CASK: variants seen among roughly 807,000 people sequenced by gnomAD.
The protein encoded by CASK is calcium/calmodulin dependent serine protein kinase.
A neutral mutation model predicts 82.9 loss-of-function variants in CASK; 4 were observed. That is an observed-to-expected ratio of 0.05 (90% confidence interval 0.02 to 0.11). The LOEUF is 0.11. Ranked by LOEUF, CASK falls within the 10% of genes least tolerant of loss-of-function variation. The pLI is 1.00. For missense variants in CASK, 358 were observed against 720.9 expected (o/e 0.50, Z 5.76); for synonymous variants, 259 against 253.5 (o/e 1.02, Z -0.20).
At chrX:41,889,383 C>T (rs1404094559) in intron 1 of CASK, among the ~76,000 whole-genome samples, 2 of 109,901 alleles carry the variant, frequency 1.8e-5, no homozygotes, top group Admixed American at 9.7e-5. Flanking sequence ...TTTTGATTTG[C>T]ATTTCCCTGA....
At chrX:41,761,747 T>C (rs1484018249) in intron 3 of CASK, among the ~76,000 whole-genome samples, 3 of 111,649 alleles carry the variant, frequency 2.7e-5, no homozygotes, top group African/African-American at 3.3e-5. Context: ...AAGAAAAAAA[T>C]AGAAGTCCTT....
intron 3 of CASK, among the ~76,000 whole-genome samples, chrX:41,783,209 A>T (rs1407193726): frequency 4.4e-5 from 5 of 112,411 alleles, no homozygotes; most frequent in African/African-American, 1.3e-4. Flanking sequence ...ATAAACATAC[A>T]GACAGAAATA....
At chrX:41,857,871 G>A (rs2071400562) in intron 1 of CASK, among the ~76,000 whole-genome samples, 1 of 111,779 alleles carries the variant, frequency 8.9e-6, no homozygotes, top group Non-Finnish European at 1.9e-5. Context: ...GTGCAGCGAG[G>A]AAGGATGACA....
chrX:41,838,337 A>AT (rs1437568322), intron 2 of CASK, among the ~76,000 whole-genome samples: 23 of 111,927 alleles, frequency 2.1e-4, no homozygotes, highest in Non-Finnish European at 4.1e-4. Context: ...TATTTGTTTT[A>AT]TTTTTTACTG....
At chrX:41,575,447 C>T (rs1327928564) in intron 15 of CASK, among the ~76,000 whole-genome samples, 3 of 111,294 alleles carry the variant, frequency 2.7e-5, no homozygotes, top group Non-Finnish European at 5.7e-5. Flanking sequence ...TACTCCTGGC[C>T]TTTCCCTGTT....
At chrX:41,544,864 G>A (rs1040168703) in intron 21 of CASK, among the ~76,000 whole-genome samples, 2 of 111,147 alleles carry the variant, frequency 1.8e-5, no homozygotes, top group African/African-American at 6.5e-5. Flanking sequence ...CTACACCACT[G>A]CACTCCAGCC....
chrX:41,814,239 C>G (rs1370775630), intron 2 of CASK, among the ~76,000 whole-genome samples: 1 of 111,810 alleles, frequency 8.9e-6, no homozygotes, highest in Non-Finnish European at 1.9e-5. Context: ...CATCCCATTA[C>G]TGGGTATATA....
intron 3 of CASK, among the ~76,000 whole-genome samples, chrX:41,779,356 C>T (rs2069427025): frequency 1.8e-5 from 2 of 111,873 alleles, no homozygotes. Flanking sequence ...AAAGCTTGTG[C>T]CTGGTTTCCC....
At chrX:41,524,806 A>G (rs1330542494) in intron 25 of CASK, 1 of 111,070 alleles carries the variant, frequency 9.0e-6, no homozygotes, top group Non-Finnish European at 1.9e-5. Context: ...TTACTGTTTC[A>G]GCTCCTCCCC....
At chrX:41,807,316 T>G (rs917811099) in intron 2 of CASK, among the ~76,000 whole-genome samples, 39 of 111,525 alleles carry the variant, frequency 3.5e-4, no homozygotes, top group African/African-American at 1.3e-3. Context: ...TGCTCTTAGA[T>G]TTCCAATCAT....
At chrX:41,691,030 G>A (rs2067545615) in intron 5 of CASK, among the ~76,000 whole-genome samples, 1 of 111,670 alleles carries the variant, frequency 9.0e-6, no homozygotes, top group South Asian at 3.7e-4. Flanking sequence ...TCTAAATGAT[G>A]GCCACTATTA....
chrX:41,912,939 T>A (rs1249832256), intron 1 of CASK, among the ~76,000 whole-genome samples: 1 of 108,763 alleles, frequency 9.2e-6, no homozygotes, highest in East Asian at 2.9e-4. Flanking sequence ...TACTCCTTTT[T>A]ATAAATGAGG....
intron 3 of CASK, among the ~76,000 whole-genome samples, chrX:41,766,354 A>T (rs1005808152): frequency 1.8e-5 from 2 of 112,364 alleles, no homozygotes; most frequent in Admixed American, 9.4e-5. Context: ...ATTTTCAGAG[A>T]TAAGATATAC....
intron 17 of CASK, among the ~76,000 whole-genome samples, chrX:41,560,830 G>A (rs1241299547): frequency 4.6e-5 from 5 of 109,034 alleles, no homozygotes; most frequent in Non-Finnish European, 1.9e-5. Flanking sequence ...GGCAGAGGTT[G>A]CAGTGAGCTG....
chrX:41,612,771 G>A (rs1294598075), intron 11 of CASK, among the ~76,000 whole-genome samples: 6 of 87,815 alleles, frequency 6.8e-5, no homozygotes, highest in African/African-American at 1.7e-4. Flanking sequence ...TCAACCCCCC[G>A]CCCGGCCAGC....
intron 1 of CASK, among the ~76,000 whole-genome samples, chrX:41,919,921 T>C (rs1359169964): frequency 8.9e-6 from 1 of 112,249 alleles, no homozygotes; most frequent in Non-Finnish European, 1.9e-5. Flanking sequence ...AATAATGATC[T>C]TATATTTCAA....
chrX:41,868,107 C>T (rs1241026255), intron 1 of CASK, among the ~76,000 whole-genome samples: 1 of 111,821 alleles, frequency 8.9e-6, no homozygotes, highest in African/African-American at 3.2e-5. Flanking sequence ...AAATTTAAAC[C>T]AGTAAATAGA....
At chrX:41,809,328 G>A (rs1193580419) in intron 2 of CASK, among the ~76,000 whole-genome samples, 4 of 112,294 alleles carry the variant, frequency 3.6e-5, no homozygotes, top group Non-Finnish European at 7.5e-5. Context: ...GCCTAACTGG[G>A]AGGCACCCCC....
At chrX:41,583,527 C>T (rs2065612470) in intron 14 of CASK, among the ~76,000 whole-genome samples, 1 of 110,664 alleles carries the variant, frequency 9.0e-6, no homozygotes, top group Non-Finnish European at 1.9e-5. Context: ...ACCTCTGTCT[C>T]CTGGGTTCAG....
Sources: allele counts gnomAD v4.1 joint callset (sites outside exome capture counted in the v4.1 genomes callset), GRCh38; gene constraint gnomAD v4.1.1; transcripts MANE v1.5; gene names NCBI Gene and HGNC (gene_info 2026-07-23, HGNC 2026-07-21).